CNTNAP3B: variants seen among roughly 807,000 people sequenced by gnomAD.
The protein encoded by CNTNAP3B is contactin-associated protein-like 3B.
In CNTNAP3B, 25 loss-of-function variants were observed where a neutral mutation model predicts 108.9. The ratio of observed to expected loss-of-function variants is 0.23; its 90% CI spans 0.17 to 0.32. The LOEUF (loss-of-function observed/expected upper bound fraction) is 0.32. Ranked by LOEUF, CNTNAP3B falls within the 10% of genes least tolerant of loss-of-function variation. The pLI is 1.00. For synonymous variants in CNTNAP3B, 103 were observed against 473.4 expected (o/e 0.22, Z 10.16); for missense variants, 252 against 1,210.4 (o/e 0.21, Z 11.75).
rs1827935891 is a variant in CNTNAP3B, at chr9:42,097,659, A to G, written c.196+6970T>C. Among the ~76,000 whole-genome samples, 2 of 137,908 alleles carry G rather than the reference A, an allele frequency of 1.5e-5. 1 individual carries two copies. The highest frequency in any genetic ancestry group is 1.4e-4 in the Admixed American group (2 of 13,842). The allele number at this position is 137,908 out of a possible 152,430, so 90.5% of individuals were successfully genotyped here. The stretch of plus-strand genomic sequence containing the variant: ...TTAAATATTAGCTGAATTGTAATTG[A>G]TCTTACATTTTGATTTTGTGAAATA... On this transcript the variant is annotated intron_variant, in intron 2 of 23. Coordinates refer to ENST00000377561, the MANE Select transcript of CNTNAP3B (RefSeq NM_001201380.3).
At chr9:41,961,332 G>A (rs1301872818) in intron 11 of CNTNAP3B, among the ~76,000 whole-genome samples, 1 of 152,306 alleles carries the variant, frequency 6.6e-6, no homozygotes, top group Non-Finnish European at 1.5e-5. Flanking sequence ...AAGAAAGCAT[G>A]CAAACTCTGA....
intron 12 of CNTNAP3B, among the ~76,000 whole-genome samples, chr9:41,955,002 A>G (rs1455597234): frequency 4.0e-5 from 6 of 151,348 alleles, no homozygotes; most frequent in African/African-American, 1.5e-4. Flanking sequence ...TAGAATTTTT[A>G]CAACCTGGTG....
rs549127735 is a variant in CNTNAP3B, at chr9:42,118,162, C to A, written c.85+10848G>T. Among the ~76,000 whole-genome samples, 899 of 139,472 alleles carry A rather than the reference C, an allele frequency of 6.4e-3. 196 individuals are homozygous for A. Among genetic ancestry groups the A allele is most frequent in the African/African-American group, 0.024 (855 of 35,202 alleles). 91.5% of individuals were successfully genotyped at this position (139,472 alleles called of 152,430 possible). A position where few individuals can be genotyped will look rare whatever the true frequency, so the allele number is the denominator to read the frequency against. ...ATCAACAGAAAAAGAGGGAATCCTT[C>A]CTAACTCATTTTATGAGGCCAGCAT... On this transcript the variant is annotated intron_variant, in intron 1 of 23. Transcript: ENST00000377561.
At chr9:42,111,383 G>C (rs537123062) in intron 1 of CNTNAP3B, among the ~76,000 whole-genome samples, 1 of 138,888 alleles carries the variant, frequency 7.2e-6, no homozygotes, top group South Asian at 2.3e-4. Flanking sequence ...TTATCCTACT[G>C]AGTAGAATAA....
chr9:41,928,696 C>G (rs1296208727), intron 15 of CNTNAP3B, among the ~76,000 whole-genome samples: 272 of 151,720 alleles, frequency 1.8e-3, no homozygotes, highest in African/African-American at 6.4e-3. Context: ...ATGTATGATG[C>G]TAGTGGGTAA....
intron 13 of CNTNAP3B, among the ~76,000 whole-genome samples, chr9:41,942,500 A>ACAGG (rs1824384660): frequency 6.6e-6 from 1 of 150,942 alleles, no homozygotes; most frequent in East Asian, 1.9e-4. Flanking sequence ...AGTCCCAGCT[A>ACAGG]CTGGGGAGGC....
intron 10 of CNTNAP3B, among the ~76,000 whole-genome samples, chr9:41,966,401 A>G (rs1825276223): frequency 6.6e-6 from 1 of 152,306 alleles, no homozygotes; most frequent in Non-Finnish European, 1.5e-5. Flanking sequence ...ACTAAACACA[A>G]CATCAATTGT....
chr9:41,944,570 T>C (rs1459445536), intron 13 of CNTNAP3B, among the ~76,000 whole-genome samples: 1 of 152,208 alleles, frequency 6.6e-6, no homozygotes, highest in East Asian at 1.9e-4. Context: ...AGTGAGGATA[T>C]GGAATCATAT....
chr9:42,028,844 C>A (rs1364649759), intron 3 of CNTNAP3B, among the ~76,000 whole-genome samples: 7 of 151,664 alleles, frequency 4.6e-5, no homozygotes, highest in Non-Finnish European at 1.0e-4. Context: ...CCATATACAT[C>A]TGAAATTTGT....
intron 2 of CNTNAP3B, among the ~76,000 whole-genome samples, chr9:42,080,156 A>G (rs988546679): frequency 7.3e-6 from 1 of 136,564 alleles, no homozygotes; most frequent in Non-Finnish European, 1.6e-5. Flanking sequence ...GTGTGTTTTC[A>G]TTAGATGAAG....
chr9:41,950,406 A>G (rs1824640037), intron 13 of CNTNAP3B, among the ~76,000 whole-genome samples: 1 of 138,690 alleles, frequency 7.2e-6, no homozygotes, highest in Non-Finnish European at 1.6e-5. Flanking sequence ...GAGAAATGAA[A>G]ACTAATGTTC....
chr9:41,951,359 C>T (rs1416460873), intron 13 of CNTNAP3B, among the ~76,000 whole-genome samples: 1 of 103,952 alleles, frequency 9.6e-6, no homozygotes, highest in Non-Finnish European at 2.1e-5. Context: ...CAAAAGATCA[C>T]CTGGGGATTT....
intron 1 of CNTNAP3B, among the ~76,000 whole-genome samples, chr9:42,113,911 G>GAT (rs2118721290): frequency 7.2e-6 from 1 of 138,212 alleles, no homozygotes; most frequent in African/African-American, 2.9e-5. Flanking sequence ...GTAGACCATC[G>GAT]ATATATACAC....
chr9:41,983,177 T>C (rs1825665286), intron 9 of CNTNAP3B: 1 of 137,974 alleles, frequency 7.2e-6, no homozygotes, highest in Non-Finnish European at 1.5e-5. Context: ...TGCACATGTA[T>C]ACCTCTGAAC....
chr9:42,035,617 T>G (rs1826608626), intron 3 of CNTNAP3B, among the ~76,000 whole-genome samples: 1 of 149,200 alleles, frequency 6.7e-6, no homozygotes, highest in African/African-American at 2.5e-5. Context: ...TGACACATAG[T>G]ACACACAAAG....
At chr9:41,951,267 G>A (rs1166085763) in intron 13 of CNTNAP3B, among the ~76,000 whole-genome samples, 2 of 138,730 alleles carry the variant, frequency 1.4e-5, no homozygotes, top group Non-Finnish European at 3.1e-5. Context: ...CTTTTCAAAA[G>A]AGGAGAAATA....
At chr9:41,930,356 A>C (rs1429020174) in intron 14 of CNTNAP3B, among the ~76,000 whole-genome samples, 1 of 152,414 alleles carries the variant, frequency 6.6e-6, no homozygotes, top group South Asian at 2.1e-4. Flanking sequence ...CAGCCTGGGC[A>C]ACATAGTGAG....
intron 14 of CNTNAP3B, among the ~76,000 whole-genome samples, chr9:41,933,875 TAA>T (rs1176455654): frequency 1.3e-5 from 2 of 152,224 alleles, no homozygotes; most frequent in African/African-American, 4.8e-5. Context: ...TAAAATTTGT[TAA>T]GATTCCATCC....
chr9:41,948,263 T>G (rs1217596905), intron 13 of CNTNAP3B, among the ~76,000 whole-genome samples: 2 of 149,734 alleles, frequency 1.3e-5, no homozygotes, highest in Non-Finnish European at 3.0e-5. Flanking sequence ...AACTAATTTT[T>G]GTATTTTTAG....
Sources: allele counts gnomAD v4.1 joint callset (sites outside exome capture counted in the v4.1 genomes callset), GRCh38; gene constraint gnomAD v4.1.1; transcripts MANE v1.5; gene names NCBI Gene and HGNC (gene_info 2026-07-23, HGNC 2026-07-21).